Variants in ANKRD12 observed in about 807,000 individuals in gnomAD.
ANKRD12 encodes ankyrin repeat domain 12, also known as ankyrin repeat domain-containing protein 12.
A neutral mutation model predicts 183.4 loss-of-function variants in ANKRD12; 85 were observed. That is an observed-to-expected ratio of 0.46 (90% CI 0.39 to 0.56). ANKRD12 has a LOEUF of 0.56. Ranked by LOEUF, ANKRD12 falls within the 20% of genes least tolerant of loss-of-function variation. The pLI is 0.00. For missense variants in ANKRD12, 2,405 were observed against 2,357.1 expected, an observed-to-expected ratio of 1.02 and a Z score of -0.42; for synonymous variants, 914 against 800.2, an observed-to-expected ratio of 1.14 and a Z score of -2.40.
chr18:9,212,629 T>G (rs1180060007), intron 6 of ANKRD12, among the ~76,000 whole-genome samples: 1 of 152,022 alleles, frequency 6.6e-6, no homozygotes, highest in East Asian at 1.9e-4. Context: ...TCAGTAGAAG[T>G]GAAATTGCTA....
intron 8 of ANKRD12, among the ~76,000 whole-genome samples, chr18:9,246,861 C>T (rs144973688): frequency 8.0e-4 from 121 of 152,150 alleles, no homozygotes; most frequent in Middle Eastern, 3.4e-3. Flanking sequence ...GTATTAATTC[C>T]TAATACTAGA....
At chr18:9,174,206 C>T (rs543427156) in intron 1 of ANKRD12, among the ~76,000 whole-genome samples, 1 of 152,340 alleles carries the variant, frequency 6.6e-6, no homozygotes, top group East Asian at 1.9e-4. Context: ...CGCCCCTCCC[C>T]CTGAAAACTC....
chr18:9,238,394 C>T (rs2037467849), intron 8 of ANKRD12, among the ~76,000 whole-genome samples: 1 of 152,192 alleles, frequency 6.6e-6, no homozygotes. Context: ...AAGCTTCAAA[C>T]TTACATATTT....
chr18:9,161,622 C>T (rs192950590), intron 1 of ANKRD12, among the ~76,000 whole-genome samples: 1,590 of 152,000 alleles, frequency 0.01, 37 homozygotes, highest in African/African-American at 0.036. Flanking sequence ...GTGATCCGCC[C>T]GCCTCGGCCT....
Position 9,281,926 on chromosome 18 carries a change from A to C in ANKRD12, c.*800A>C, listed in dbSNP as rs1031897378. On this transcript the variant is annotated 3_prime_UTR_variant, in exon 13 of 13. Coordinates refer to ENST00000262126, the MANE Select transcript of ANKRD12 (RefSeq NM_015208.5). ...GCTTCCTATAATTTAACTCTCCATAATTGATGCCTGCAGTAGTGTAAGGCA... is the reference window on the plus strand; with the variant it reads ...GCTTCCTATAATTTAACTCTCCATACTTGATGCCTGCAGTAGTGTAAGGCA... The C allele has an allele frequency of 6.6e-6, 1 of 152,594 alleles. No individual in the cohort carries two copies. Among genetic ancestry groups the C allele is most frequent in the African/African-American group, 2.4e-5 (1 of 41,442 alleles). 9.5% of individuals were successfully genotyped at this position (152,594 alleles called of 1,614,324 possible).
intron 1 of ANKRD12, among the ~76,000 whole-genome samples, chr18:9,181,364 G>A (rs929330889): frequency 2.6e-5 from 4 of 152,186 alleles, no homozygotes; most frequent in Non-Finnish European, 4.4e-5. Flanking sequence ...TGTTCAAGGT[G>A]TCTGAGTTTT....
intron 10 of ANKRD12, among the ~76,000 whole-genome samples, chr18:9,274,835 G>T (rs2039756956): frequency 6.6e-6 from 1 of 152,070 alleles, no homozygotes; most frequent in Non-Finnish European, 1.5e-5. Flanking sequence ...TGTAGAGATG[G>T]GGTCTTGCCA....
chr18:9,254,704 G>T lies in ANKRD12; in HGVS notation c.1437G>T (p.Gln479His). Residue 479 changes from glutamine to histidine, a missense_variant, in exon 9 of 13, where the codon CAG becomes CAT. Around this residue, in one of 7 missense-constraint regions of ANKRD12, gnomAD observed 1,983 missense variants for 1,725.9 expected, o/e 1.15. Transcript: ENST00000262126. ...KGKVKRKLKN[Q>H]NKNKENQELK... ...AAGTTAAAAGAAAATTGAAAAATCA[G>T]AATAAAAATAAAGAGAACCAAGAGC... 6.6e-7 allele frequency: 1 copy of T among 1,510,570 alleles called. No individual in the cohort carries two copies. The highest frequency in any genetic ancestry group is 1.4e-5 in the South Asian group (1 of 73,894). 93.6% of individuals were successfully genotyped at this position (1,510,570 alleles called of 1,614,324 possible). A position where few individuals can be genotyped will look rare whatever the true frequency, so the allele number is the denominator to read the frequency against.
intron 1 of ANKRD12, among the ~76,000 whole-genome samples, chr18:9,163,504 G>A (rs1372021781): frequency 6.6e-6 from 1 of 152,070 alleles, no homozygotes; most frequent in African/African-American, 2.4e-5. Context: ...GGATTGTCTT[G>A]GCTATACGGG....
At chr18:9,188,513 A>G (rs1008322777) in intron 2 of ANKRD12, among the ~76,000 whole-genome samples, 2 of 152,210 alleles carry the variant, frequency 1.3e-5, no homozygotes, top group African/African-American at 4.8e-5. Context: ...CACAGCTGTA[A>G]TGGCACCACC....
chr18:9,267,677 C>A (rs1225210358), intron 10 of ANKRD12, among the ~76,000 whole-genome samples: 1 of 151,910 alleles, frequency 6.6e-6, no homozygotes, highest in African/African-American at 2.4e-5. Context: ...CAGGAAAGAT[C>A]TAAAATTGAC....
intron 1 of ANKRD12, among the ~76,000 whole-genome samples, chr18:9,166,018 G>C (rs2032021276): frequency 6.6e-6 from 1 of 151,758 alleles, no homozygotes; most frequent in South Asian, 2.1e-4. Context: ...ATGGTTTCCA[G>C]TTTCATCCAT....
chr18:9,223,381 G>A (rs1009716564), intron 8 of ANKRD12, among the ~76,000 whole-genome samples: 41 of 151,538 alleles, frequency 2.7e-4, no homozygotes, highest in South Asian at 6.2e-4. Context: ...AGCCTCCCCC[G>A]AGTAGCTGGG....
intron 2 of ANKRD12, among the ~76,000 whole-genome samples, chr18:9,184,704 A>G (rs140253408): frequency 2.0e-5 from 3 of 152,066 alleles, no homozygotes; most frequent in African/African-American, 7.3e-5. Context: ...AGCTTTATTG[A>G]GATATAATTC....
intron 4 of ANKRD12, among the ~76,000 whole-genome samples, chr18:9,205,599 G>T (rs2035442936): frequency 6.6e-6 from 1 of 152,064 alleles, no homozygotes; most frequent in African/African-American, 2.4e-5. Flanking sequence ...TCTAAAAGGT[G>T]ACTTCTAAGT....
At chr18:9,160,988 T>G (rs918713273) in intron 1 of ANKRD12, among the ~76,000 whole-genome samples, 1 of 152,204 alleles carries the variant, frequency 6.6e-6, no homozygotes, top group African/African-American at 2.4e-5. Flanking sequence ...TTTGTTCTCC[T>G]TGGTTTCCCC....
intron 4 of ANKRD12, among the ~76,000 whole-genome samples, chr18:9,205,813 AG>A (rs1170053622): frequency 6.6e-6 from 1 of 152,044 alleles, no homozygotes; most frequent in East Asian, 1.9e-4. Flanking sequence ...TCTATATTTG[AG>A]TTGTGATTCC....
chr18:9,265,813 A>C (rs575668646), intron 10 of ANKRD12, among the ~76,000 whole-genome samples: 2 of 152,348 alleles, frequency 1.3e-5, no homozygotes, highest in East Asian at 3.9e-4. Context: ...TCAGATGATC[A>C]AACTACTCCG....
rs146246334 is a variant in ANKRD12 at position 9,263,738 on chromosome 18, A to G, written c.5665-52A>G. On this transcript the variant is annotated intron_variant, in intron 9 of 12. Coordinates refer to ENST00000262126, the MANE Select transcript of ANKRD12 (RefSeq NM_015208.5). ...GGGTTTAATTTTAAAAGAATAGCCCATTATTGTAAATAAAACCTAATATTT... is the reference window on the plus strand; with the variant it reads ...GGGTTTAATTTTAAAAGAATAGCCCGTTATTGTAAATAAAACCTAATATTT... 1.7e-5 allele frequency: 23 copies of G among 1,334,608 alleles called. No homozygotes were observed. In the Admixed American group the frequency reaches 2.3e-4, roughly 13 times the overall value. The allele number at this position is 1,334,608 out of a possible 1,614,324, so 82.7% of individuals were successfully genotyped here.
Sources: allele counts gnomAD v4.1 joint callset (sites outside exome capture counted in the v4.1 genomes callset), GRCh38; gene constraint gnomAD v4.1.1; regional missense constraint gnomAD v4.1.1; transcripts MANE v1.5; gene names NCBI Gene and HGNC (gene_info 2026-07-23, HGNC 2026-07-21).